Variants in FHIT observed in about 807,000 individuals in gnomAD.
FHIT encodes fragile histidine triad diadenosine triphosphatase.
A neutral mutation model predicts 17.9 loss-of-function variants in FHIT; 19 were observed. That is an observed-to-expected ratio of 1.06 (90% CI 0.74 to 1.56). The LOEUF is 1.56. Among genes scored for constraint, FHIT ranks in the 40% most tolerant of loss-of-function variants. The probability of loss-of-function intolerance (pLI) is 0.00; values close to 1 mark genes in which losing one functional copy is unlikely to be tolerated. For synonymous variants in FHIT, 81 were observed against 69.7 expected (o/e 1.16, Z -0.81); for missense variants, 248 against 189.2 (o/e 1.31, Z -1.82).
At chr3:60,394,119 T>C (rs1368958944) in intron 5 of FHIT, among the ~76,000 whole-genome samples, 5 of 152,078 alleles carry the variant, frequency 3.3e-5, no homozygotes, top group South Asian at 2.1e-4. Flanking sequence ...ATGTGTAAGA[T>C]AGAGTAAAAC....
chr3:59,930,606 G>A (rs1705922690), intron 7 of FHIT, among the ~76,000 whole-genome samples: 1 of 152,098 alleles, frequency 6.6e-6, no homozygotes, highest in Non-Finnish European at 1.5e-5. Flanking sequence ...AAACAGAGCA[G>A]CTCTGTTTTA....
chr3:60,915,096 C>A (rs1706934355), intron 3 of FHIT, among the ~76,000 whole-genome samples: 1 of 152,156 alleles, frequency 6.6e-6, no homozygotes, highest in Admixed American at 6.5e-5. Context: ...TTTCCAACAA[C>A]AGAGAGTGAA....
At chr3:60,518,545 A>C (rs1020065121) in intron 5 of FHIT, among the ~76,000 whole-genome samples, 2 of 152,198 alleles carry the variant, frequency 1.3e-5, no homozygotes, top group African/African-American at 4.8e-5. Flanking sequence ...ATCCATTTAA[A>C]CACCACATAA....
At chr3:60,172,254 TTTTG>T (rs542061779) in intron 5 of FHIT, among the ~76,000 whole-genome samples, 14 of 151,852 alleles carry the variant, frequency 9.2e-5, no homozygotes, top group South Asian at 2.1e-4. Flanking sequence ...AGTATGGGTT[TTTTG>T]TTTGTTTGTT....
At chr3:60,394,870 T>G (rs1701373465) in intron 5 of FHIT, among the ~76,000 whole-genome samples, 1 of 152,098 alleles carries the variant, frequency 6.6e-6, no homozygotes, top group Admixed American at 6.6e-5. Context: ...TCTGCAGCCG[T>G]GGCCATAAAA....
At chr3:60,369,056 T>C (rs1700221031) in intron 5 of FHIT, among the ~76,000 whole-genome samples, 1 of 152,152 alleles carries the variant, frequency 6.6e-6, no homozygotes, top group South Asian at 2.1e-4. Context: ...CACTGCAGTG[T>C]CAGCCTCCCA....
chr3:60,160,254 T>C (rs888273903), intron 5 of FHIT, among the ~76,000 whole-genome samples: 2 of 151,940 alleles, frequency 1.3e-5, no homozygotes. Flanking sequence ...CCCTAAAAAT[T>C]AGAGATTCCG....
intron 4 of FHIT, among the ~76,000 whole-genome samples, chr3:60,781,485 A>T (rs1553725693): frequency 2.1e-5 from 1 of 47,864 alleles, no homozygotes; most frequent in African/African-American, 1.3e-4. Flanking sequence ...TAATATTTTA[A>T]AAAAAATAGA....
chr3:60,138,994 C>T (rs1699926167), intron 5 of FHIT, among the ~76,000 whole-genome samples: 1 of 152,120 alleles, frequency 6.6e-6, no homozygotes, highest in Non-Finnish European at 1.5e-5. Context: ...TGGCCAGGTA[C>T]TGAAAGATGA....
intron 1 of FHIT, among the ~76,000 whole-genome samples, chr3:61,206,691 T>A (rs1269626001): frequency 6.6e-6 from 1 of 151,858 alleles, no homozygotes; most frequent in Non-Finnish European, 1.5e-5. Flanking sequence ...TTTCCTGAAG[T>A]TGCTTATCAG....
At chr3:60,011,482 T>C (rs1700138218) in intron 6 of FHIT, 82 bp from the exon 7 acceptor site, 3 of 1,154,670 alleles carry the variant, frequency 2.6e-6, no homozygotes, top group Non-Finnish European at 3.9e-6. Context: ...CCATTAATAA[T>C]TTAGATGCAA....
intron 4 of FHIT, among the ~76,000 whole-genome samples, chr3:60,580,839 T>C (rs1553659495): frequency 6.6e-6 from 1 of 152,112 alleles, no homozygotes; most frequent in Non-Finnish European, 1.5e-5. Context: ...AGTGCCATGA[T>C]TGATGAGTGA....
At chr3:59,766,052 T>C (rs188690030) in intron 8 of FHIT, among the ~76,000 whole-genome samples, 1 of 152,250 alleles carries the variant, frequency 6.6e-6, no homozygotes, top group Admixed American at 6.5e-5. Context: ...ATGGTGAGCA[T>C]AGATTGAGGA....
chr3:61,146,782 G>A (rs1347671068), intron 2 of FHIT, among the ~76,000 whole-genome samples: 1 of 151,976 alleles, frequency 6.6e-6, no homozygotes, highest in Admixed American at 6.6e-5. Flanking sequence ...AACTACTGTA[G>A]GAACTTATTA....
chr3:60,243,605 A>C (rs1705242531), intron 5 of FHIT, among the ~76,000 whole-genome samples: 1 of 152,118 alleles, frequency 6.6e-6, no homozygotes, highest in African/African-American at 2.4e-5. Flanking sequence ...AGATAGAGGC[A>C]ACGGCTCTTA....
At chr3:60,319,698 G>A (rs74633358) in intron 5 of FHIT, among the ~76,000 whole-genome samples, 3 of 152,062 alleles carry the variant, frequency 2.0e-5, no homozygotes, top group Non-Finnish European at 2.9e-5. Context: ...CAATGAAACC[G>A]CACAAATAAA....
intron 4 of FHIT, among the ~76,000 whole-genome samples, chr3:60,593,073 T>C (rs1203991942): frequency 6.6e-6 from 1 of 152,098 alleles, no homozygotes; most frequent in Non-Finnish European, 1.5e-5. Context: ...TGAAGACCTT[T>C]CTCCAACATC....
intron 5 of FHIT, among the ~76,000 whole-genome samples, chr3:60,092,438 C>T (rs143456061): frequency 1.3e-5 from 2 of 152,162 alleles, no homozygotes; most frequent in Non-Finnish European, 1.5e-5. Context: ...CTACATAGTA[C>T]TTTAGAGGTA....
chr3:60,311,605 T>TACA (rs1376975567), intron 5 of FHIT, among the ~76,000 whole-genome samples: 1 of 152,250 alleles, frequency 6.6e-6, no homozygotes, highest in East Asian at 1.9e-4. Flanking sequence ...TATAAAAGCT[T>TACA]ACAGTTGTAT....
Sources: allele counts gnomAD v4.1 joint callset (sites outside exome capture counted in the v4.1 genomes callset), GRCh38; gene constraint gnomAD v4.1.1; transcripts MANE v1.5; gene names NCBI Gene and HGNC (gene_info 2026-07-23, HGNC 2026-07-21).